EPHA3: variants seen among roughly 807,000 people sequenced by gnomAD.
EPHA3 encodes ephrin type-A receptor 3.
A neutral mutation model predicts 107.1 loss-of-function variants in EPHA3; 42 were observed. The observed-to-expected ratio is 0.39, with a 90% CI of 0.31 to 0.51. The LOEUF is 0.51. Among genes scored for constraint, EPHA3 ranks in the 20% least tolerant of loss-of-function variants. The pLI is 0.78. For synonymous variants in EPHA3, 461 were observed against 424.8 expected, an observed-to-expected ratio of 1.09 and a Z score of -1.05; for missense variants, 1,183 against 1,211.2, an observed-to-expected ratio of 0.98 and a Z score of 0.35.
In EPHA3 at chr3:89,359,683, G is replaced by A. The variant is rs59607499; in HGVS notation, c.1306+17593G>A. Among the ~76,000 whole-genome samples the A allele has an allele frequency of 7.1e-3, 1,041 of 147,528 alleles. 42 individuals carry two copies. In the East Asian group the frequency reaches 0.086, roughly 12 times the overall value. On this transcript the variant is annotated intron_variant, in intron 5 of 16. Transcript: ENST00000336596. ...GGCAAACATTATATATTGTGTGTGT[G>A]TGTGTATATACGTTATATATTGTGT...
chr3:89,138,327 A>G (rs1192110489), intron 2 of EPHA3, among the ~76,000 whole-genome samples: 2 of 151,898 alleles, frequency 1.3e-5, no homozygotes, highest in Admixed American at 1.3e-4. Flanking sequence ...TTTGAACCAC[A>G]TGTAGTATCT....
chr3:89,359,790 T>C lies in EPHA3; in HGVS notation c.1306+17700T>C, dbSNP rs181569246. Among the ~76,000 whole-genome samples, 910 of 140,230 alleles carry C rather than the reference T, an allele frequency of 6.5e-3. 8 individuals are homozygous for C. The highest frequency in any genetic ancestry group is 0.024 in the African/African-American group (856 of 35,666). 92.0% of individuals were successfully genotyped at this position (140,230 alleles called of 152,430 possible). A position where few individuals can be genotyped will look rare whatever the true frequency, so the allele number is the denominator to read the frequency against. On this transcript the variant is annotated intron_variant, in intron 5 of 16. Coordinates refer to ENST00000336596, the MANE Select transcript of EPHA3 (RefSeq NM_005233.6). The stretch of plus-strand genomic sequence containing the variant: ...ATACACACATATATATACATATATA[T>C]ACATATATACACATATATATACATA...
At chr3:89,182,373 T>G (rs1705459954) in intron 2 of EPHA3, among the ~76,000 whole-genome samples, 1 of 151,804 alleles carries the variant, frequency 6.6e-6, no homozygotes, top group South Asian at 2.1e-4. Context: ...GAGAGTAGCC[T>G]AGTCACTGAA....
intron 3 of EPHA3, among the ~76,000 whole-genome samples, chr3:89,286,186 A>G (rs904561971): frequency 3.4e-5 from 5 of 146,762 alleles, no homozygotes; most frequent in African/African-American, 5.1e-5. Context: ...GTTCTATGGG[A>G]CCCTTGGGCT....
chr3:89,454,672 T>TA (rs1322671109), intron 15 of EPHA3, among the ~76,000 whole-genome samples: 22 of 152,312 alleles, frequency 1.4e-4, no homozygotes, highest in East Asian at 3.9e-4. Flanking sequence ...GTTACACTTA[T>TA]AAAAAAATCT....
chr3:89,114,127 T>A (rs138954318), intron 1 of EPHA3, among the ~76,000 whole-genome samples: 2 of 152,298 alleles, frequency 1.3e-5, no homozygotes, highest in African/African-American at 4.8e-5. Context: ...ACAAACAAAC[T>A]GTTGTGAATA....
intron 15 of EPHA3, among the ~76,000 whole-genome samples, chr3:89,456,708 C>G (rs17026938): frequency 0.077 from 11,744 of 152,158 alleles, 1,572 homozygotes; most frequent in African/African-American, 0.27. Flanking sequence ...TGCAAAGAAT[C>G]ATAATAAGGG....
intron 3 of EPHA3, among the ~76,000 whole-genome samples, chr3:89,243,102 G>C (rs1704946616): frequency 6.6e-6 from 1 of 151,998 alleles, no homozygotes; most frequent in Non-Finnish European, 1.5e-5. Flanking sequence ...TTTTATGGCT[G>C]CATAGTATTC....
rs577565174 is a variant in EPHA3, at chr3:89,310,734, A to G, written c.815-30182A>G. Reference sequence around the variant, plus strand: ...GTAAACTCCTAAAGGTCAATAAACAAAGTGAATTCCCTGATAATTCATCAC... The same window carrying G: ...GTAAACTCCTAAAGGTCAATAAACAGAGTGAATTCCCTGATAATTCATCAC... On this transcript the variant is annotated intron_variant, in intron 3 of 16. Coordinates refer to ENST00000336596, the MANE Select transcript of EPHA3 (RefSeq NM_005233.6). Among the ~76,000 whole-genome samples the G allele has an allele frequency of 2.0e-5, 3 of 152,132 alleles. No individual in the cohort carries two copies. The East Asian group carries it at 5.8e-4, about 29-fold the overall frequency.
intron 2 of EPHA3, among the ~76,000 whole-genome samples, chr3:89,173,119 T>A (rs980538556): frequency 6.6e-6 from 1 of 152,088 alleles, no homozygotes; most frequent in Non-Finnish European, 1.5e-5. Context: ...AAAGATGAGT[T>A]TTTTGTGTAC....
chr3:89,266,659 C>A (rs1214136053), intron 3 of EPHA3, among the ~76,000 whole-genome samples: 1 of 151,924 alleles, frequency 6.6e-6, no homozygotes, highest in East Asian at 1.9e-4. Flanking sequence ...TTAATGCTTT[C>A]TTTATGTTTC....
At chr3:89,212,996 C>T (rs1704139930) in intron 3 of EPHA3, among the ~76,000 whole-genome samples, 1 of 152,000 alleles carries the variant, frequency 6.6e-6, no homozygotes, top group Admixed American at 6.6e-5. Context: ...TTACTCTCCA[C>T]TCATTTCTCT....
intron 15 of EPHA3, among the ~76,000 whole-genome samples, chr3:89,452,530 T>C (rs1405806702): frequency 6.6e-6 from 1 of 152,194 alleles, no homozygotes; most frequent in Non-Finnish European, 1.5e-5. Flanking sequence ...CCTTTGCCCA[T>C]TTTTAATAGG....
intron 15 of EPHA3, among the ~76,000 whole-genome samples, chr3:89,455,172 T>G (rs1180833593): frequency 1.3e-5 from 2 of 152,184 alleles, no homozygotes; most frequent in East Asian, 3.9e-4. Context: ...TCTGCCACTC[T>G]TGTAAACAAC....
chr3:89,443,210 A>G (rs1187556130), intron 13 of EPHA3, among the ~76,000 whole-genome samples: 1 of 152,208 alleles, frequency 6.6e-6, no homozygotes, highest in Non-Finnish European at 1.5e-5. Context: ...CAACATTAAT[A>G]TTGAAGCAGT....
chr3:89,148,365 C>T (rs1704614718), intron 2 of EPHA3, among the ~76,000 whole-genome samples: 2 of 151,828 alleles, frequency 1.3e-5, no homozygotes, highest in Admixed American at 6.6e-5. Flanking sequence ...AGAGTCTCTT[C>T]TTGGGTTTAA....
intron 5 of EPHA3, among the ~76,000 whole-genome samples, chr3:89,362,570 G>A (rs1001579451): frequency 6.6e-6 from 1 of 151,140 alleles, no homozygotes; most frequent in African/African-American, 2.4e-5. Context: ...CCTGTAATGA[G>A]CAATGCAGAA....
chr3:89,329,943 T>G (rs540018732), intron 3 of EPHA3, among the ~76,000 whole-genome samples: 1 of 152,076 alleles, frequency 6.6e-6, no homozygotes, highest in South Asian at 2.1e-4. Context: ...TAGAAAAATA[T>G]TTTTTATTAA....
chr3:89,444,814 G>A (rs1360436963), intron 13 of EPHA3, among the ~76,000 whole-genome samples: 3 of 151,896 alleles, frequency 2.0e-5, no homozygotes, highest in Admixed American at 1.3e-4. Flanking sequence ...TTTACAATAT[G>A]GTTAGATAGA....
Sources: gnomAD v4.1 joint callset for allele counts (sites outside exome capture counted in the v4.1 genomes callset) on GRCh38, gnomAD v4.1.1 for gene constraint, MANE v1.5 for transcripts, NCBI Gene and HGNC (gene_info 2026-07-23, HGNC 2026-07-21) for gene names.